SCFD1: variants seen among roughly 807,000 people sequenced by gnomAD.
SCFD1 encodes the protein sec1 family domain containing 1, also known as sec1 family domain-containing protein 1.
A neutral mutation model predicts 103.2 loss-of-function variants in SCFD1; 37 were observed. The observed-to-expected ratio is 0.36, with a 90% CI of 0.28 to 0.47. The LOEUF is 0.47. Ranked by LOEUF, SCFD1 falls within the 20% of genes least tolerant of loss-of-function variation. The pLI is 1.00. For synonymous variants in SCFD1, 264 were observed against 245.0 expected (o/e 1.08, Z -0.73); for missense variants, 639 against 761.2 (o/e 0.84, Z 1.89).
intron 3 of SCFD1, chr14:30,630,832 G>A (rs1317208161): frequency 3.0e-6 from 1 of 333,872 alleles, no homozygotes; most frequent in Non-Finnish European, 5.4e-6. Context: ...GTCTCTTCCA[G>A]CTCTAAAAGT....
At chr14:30,638,081 G>T in intron 4 of SCFD1, 44 bp from the exon 5 acceptor site, 2 of 1,505,692 alleles carry the variant, frequency 1.3e-6, no homozygotes, top group South Asian at 1.4e-5. Context: ...TGTATTCATG[G>T]TCTTCTTTAT....
intron 6 of SCFD1, among the ~76,000 whole-genome samples, chr14:30,640,448 A>G (rs1168841284): frequency 6.6e-6 from 1 of 152,172 alleles, no homozygotes; most frequent in African/African-American, 2.4e-5. Flanking sequence ...TAAGTTACAT[A>G]TTTTAAAACC....
chr14:30,674,856 GTTT>G, intron 13 of SCFD1, 125 bp from the exon 14 acceptor site: 1 of 483,548 alleles, frequency 2.1e-6, no homozygotes, highest in Non-Finnish European at 3.7e-6. Flanking sequence ...TTAGTTGATA[GTTT>G]AATTCGTCAT....
rs532264638 is a variant in SCFD1, at chr14:30,634,493, A to G, written c.312+456A>G. 2.6e-5 allele frequency among the ~76,000 whole-genome samples: 4 copies of G among 152,206 alleles called. No individual in the cohort carries two copies. In the East Asian group the frequency reaches 5.8e-4, roughly 22 times the overall value. On this transcript the variant is annotated intron_variant, in intron 4 of 24. Transcript: ENST00000458591. ...TAAATATGTATGTATAGGAAAAAAC[A>G]TATACGGTTCAGTACTACCTGGTTT...
At chr14:30,702,478 T>C in intron 17 of SCFD1, 103 bp downstream of exon 17, 1 of 646,182 alleles carries the variant, frequency 1.5e-6, no homozygotes, top group Admixed American at 3.3e-5. Flanking sequence ...GAACAATGCC[T>C]TGGTGGTTTT....
intron 7 of SCFD1, among the ~76,000 whole-genome samples, chr14:30,648,975 CA>C (rs34928852): frequency 3.0e-3 from 300 of 99,468 alleles, no homozygotes; most frequent in Middle Eastern, 6.1e-3. Flanking sequence ...CACCCCGTCT[CA>C]AAAAAAAAAA....
At chr14:30,664,827 A>T (rs1887787162) in intron 10 of SCFD1, among the ~76,000 whole-genome samples, 1 of 152,174 alleles carries the variant, frequency 6.6e-6, no homozygotes, top group Non-Finnish European at 1.5e-5. Context: ...ATATGAAACA[A>T]GAAGAGAAGT....
intron 19 of SCFD1, among the ~76,000 whole-genome samples, chr14:30,714,217 A>G (rs11627925): frequency 0.028 from 4,186 of 151,514 alleles, 80 homozygotes; most frequent in African/African-American, 0.053. Flanking sequence ...AGCCGGGCGC[A>G]GTGGCGGGCG....
chr14:30,731,732 A>G (rs1893484506), intron 23 of SCFD1, among the ~76,000 whole-genome samples: 1 of 152,196 alleles, frequency 6.6e-6, no homozygotes, highest in Admixed American at 6.5e-5. Flanking sequence ...GAAGTTGCTT[A>G]TCTGCTTAAG....
intron 11 of SCFD1, among the ~76,000 whole-genome samples, chr14:30,671,004 T>C (rs1566618019): frequency 6.6e-6 from 1 of 152,120 alleles, no homozygotes; most frequent in Non-Finnish European, 1.5e-5. Flanking sequence ...GCCATCATTC[T>C]AAACAAACAA....
At chr14:30,647,689 G>A (rs573217482) in intron 7 of SCFD1, among the ~76,000 whole-genome samples, 12 of 152,110 alleles carry the variant, frequency 7.9e-5, no homozygotes, top group Admixed American at 1.3e-4. Flanking sequence ...CACCCCACAC[G>A]GTCTGTAAAA....
intron 1 of SCFD1, among the ~76,000 whole-genome samples, chr14:30,624,306 T>C (rs772009001): frequency 1.8e-4 from 27 of 152,184 alleles, no homozygotes; most frequent in South Asian, 4.1e-4. Flanking sequence ...TTCTCAACAT[T>C]GCAGGGTCCC....
intron 7 of SCFD1, among the ~76,000 whole-genome samples, chr14:30,645,753 T>G (rs1210999451): frequency 6.6e-6 from 1 of 152,218 alleles, no homozygotes; most frequent in African/African-American, 2.4e-5. Flanking sequence ...TTGTGAGGTA[T>G]AAGATCATAT....
intron 16 of SCFD1, among the ~76,000 whole-genome samples, chr14:30,700,596 C>T (rs1452640594): frequency 6.6e-6 from 1 of 152,170 alleles, no homozygotes; most frequent in Non-Finnish European, 1.5e-5. Flanking sequence ...ATCGCTTGAA[C>T]CTGGGAGGCA....
intron 4 of SCFD1, 146 bp downstream of exon 4, chr14:30,634,183 A>G (rs1594566255): frequency 3.5e-6 from 2 of 578,360 alleles, no homozygotes; most frequent in Admixed American, 3.2e-5. Flanking sequence ...TTGAATTCCA[A>G]ATAGCCTGAA....
intron 15 of SCFD1, among the ~76,000 whole-genome samples, chr14:30,696,487 G>A (rs1890711182): frequency 6.6e-6 from 1 of 152,168 alleles, no homozygotes; most frequent in Non-Finnish European, 1.5e-5. Context: ...ATTTAAGTAG[G>A]ATAGAGCAAG....
rs543189499 is a variant in SCFD1 at position 30,716,368 on chromosome 14, A to G, written c.1683+391A>G. Among the ~76,000 whole-genome samples, 3 of 152,344 alleles carry G rather than the reference A, an allele frequency of 2.0e-5. No homozygotes were observed. In the South Asian group the frequency reaches 6.2e-4, roughly 32 times the overall value. On this transcript the variant is annotated intron_variant, in intron 20 of 24. Coordinates refer to ENST00000458591, the MANE Select transcript of SCFD1 (RefSeq NM_016106.4). Reference sequence around the variant, plus strand: ...TTAAATTAGGAAAGAAGTGCATAGTAAAAATGTTAAGTACATATGTTTACA... The same window carrying G: ...TTAAATTAGGAAAGAAGTGCATAGTGAAAATGTTAAGTACATATGTTTACA...
At chr14:30,728,795 A>G (rs2139434316) in intron 23 of SCFD1, among the ~76,000 whole-genome samples, 1 of 146,246 alleles carries the variant, frequency 6.8e-6, no homozygotes, top group East Asian at 2.0e-4. Context: ...TGTATTGGCC[A>G]TTTGTATATC....
At chr14:30,664,440 G>T (rs561194856) in intron 10 of SCFD1, among the ~76,000 whole-genome samples, 2 of 152,252 alleles carry the variant, frequency 1.3e-5, no homozygotes, top group South Asian at 4.1e-4. Flanking sequence ...CAAAGATTGG[G>T]AGAAAACAGA....
Sources: gnomAD v4.1 joint callset for allele counts (sites outside exome capture counted in the v4.1 genomes callset) on GRCh38, gnomAD v4.1.1 for gene constraint, MANE v1.5 for transcripts, NCBI Gene and HGNC (gene_info 2026-07-23, HGNC 2026-07-21) for gene names.